The following LIN28B variants were observed in gnomAD, a reference collection of about 807,000 sequenced individuals.
The protein encoded by LIN28B is lin-28 RNA binding posttranscriptional regulator B, also known as protein lin-28 homolog B.
A neutral mutation model predicts 21.9 loss-of-function variants in LIN28B; 5 were observed. The ratio of observed to expected loss-of-function variants is 0.23; its 90% CI spans 0.12 to 0.48. The LOEUF (loss-of-function observed/expected upper bound fraction) is 0.48. LIN28B is among the 20% of genes least tolerant of loss of function. The pLI is 0.98. For synonymous variants in LIN28B, 109 were observed against 111.3 expected, an observed-to-expected ratio of 0.98 and a Z score of 0.13; for missense variants, 245 against 310.5, an observed-to-expected ratio of 0.79 and a Z score of 1.58.
chr6:105,053,908 T>G (rs933366738), intron 3 of LIN28B, among the ~76,000 whole-genome samples: 1 of 152,126 alleles, frequency 6.6e-6, no homozygotes, highest in Non-Finnish European at 1.5e-5. Context: ...CACGCCCAGC[T>G]AATTTCTGTA....
rs79612759 is a variant in LIN28B, at chr6:105,017,777, A to C, written c.199-8521A>C. 3.1e-3 allele frequency among the ~76,000 whole-genome samples: 469 copies of C among 152,232 alleles called. 6 individuals are homozygous for C. Among genetic ancestry groups the C allele is most frequent in the African/African-American group, 0.011 (448 of 41,550 alleles). On this transcript the variant is annotated intron_variant, in intron 2 of 3. Coordinates refer to ENST00000345080, the MANE Select transcript of LIN28B (RefSeq NM_001004317.4). The stretch of plus-strand genomic sequence containing the variant: ...GGAGAGGGGCAAGGGTTGAAAAACT[A>C]ACTATTGGGTAATATGCTCATTACC...
chr6:105,014,631 T>A (rs1037946827), intron 2 of LIN28B, among the ~76,000 whole-genome samples: 1 of 152,182 alleles, frequency 6.6e-6, no homozygotes, highest in Non-Finnish European at 1.5e-5. Context: ...CTTAAATTTC[T>A]TTTTATAGCG....
intron 2 of LIN28B, among the ~76,000 whole-genome samples, chr6:105,002,280 T>C (rs1351093516): frequency 6.6e-6 from 1 of 151,414 alleles, no homozygotes; most frequent in Admixed American, 6.6e-5. Context: ...CTCTGATACA[T>C]AGATTGGAAG....
chr6:104,958,240 G>A lies in LIN28B; in HGVS notation c.152G>A (p.Arg51Gln). 1.9e-6 allele frequency: 3 copies of A among 1,592,706 alleles called. No individual in the cohort carries two copies. The highest frequency in any genetic ancestry group is 2.6e-6 in the Non-Finnish European group (3 of 1,164,040). The change falls in exon 2 of 4, where the codon CGA (arginine) becomes CAA (glutamine). Residue 51 changes from arginine to glutamine, a missense_variant. Coordinates refer to ENST00000345080, the MANE Select transcript of LIN28B (RefSeq NM_001004317.4). ...TTTGGATTCATCTCCATGATAAACC[G>A]AGAGGGAAGCCCCTTGGATATTCCA... ...MGFGFISMIN[R>Q]EGSPLDIPVD...
At chr6:105,021,006 C>T (rs1389098506) in intron 2 of LIN28B, among the ~76,000 whole-genome samples, 4 of 152,040 alleles carry the variant, frequency 2.6e-5, no homozygotes, top group Non-Finnish European at 4.4e-5. Flanking sequence ...CCACCCACCT[C>T]GGCCTCCCAA....
intron 2 of LIN28B, among the ~76,000 whole-genome samples, chr6:104,959,584 G>A (rs1769684488): frequency 6.6e-6 from 1 of 152,158 alleles, no homozygotes; most frequent in Admixed American, 6.5e-5. Context: ...ATCATTATTG[G>A]CTGTTTATAT....
At chr6:105,032,019 G>A (rs889781913) in intron 3 of LIN28B, among the ~76,000 whole-genome samples, 2 of 152,072 alleles carry the variant, frequency 1.3e-5, no homozygotes, top group African/African-American at 4.8e-5. Context: ...CATGTAAGTG[G>A]AATCATACAG....
intron 3 of LIN28B, among the ~76,000 whole-genome samples, chr6:105,046,795 T>G (rs1490611554): frequency 1.3e-5 from 2 of 152,212 alleles, no homozygotes; most frequent in Non-Finnish European, 2.9e-5. Flanking sequence ...TCATGTGTCT[T>G]TTGGCTGCAT....
intron 2 of LIN28B, among the ~76,000 whole-genome samples, chr6:104,969,442 A>AAAC (rs767216104): frequency 5.3e-5 from 8 of 152,048 alleles, no homozygotes; most frequent in African/African-American, 7.2e-5. Context: ...AAACAAAACA[A>AAAC]AACAACAACA....
intron 3 of LIN28B, among the ~76,000 whole-genome samples, chr6:105,056,270 T>C (rs1772022579): frequency 6.6e-6 from 1 of 152,122 alleles, no homozygotes; most frequent in Admixed American, 6.5e-5. Context: ...AATTTTTTTA[T>C]TGTATGTAGA....
At chr6:105,041,449 C>G (rs948409801) in intron 3 of LIN28B, among the ~76,000 whole-genome samples, 2 of 151,938 alleles carry the variant, frequency 1.3e-5, no homozygotes, top group African/African-American at 4.8e-5. Flanking sequence ...TTTATAGGTA[C>G]TATGGATTTC....
rs185183165 is a variant in LIN28B at position 105,045,552 on chromosome 6, C to G, written c.383+19070C>G. ...CCACCCGCCTCAGTCTCCCAAACTGCTGGGATAATAGGTGTAAGCCACCAT... is the reference window on the plus strand; with the variant it reads ...CCACCCGCCTCAGTCTCCCAAACTGGTGGGATAATAGGTGTAAGCCACCAT... On this transcript the variant is annotated intron_variant, in intron 3 of 3. Transcript: ENST00000345080. 2.6e-5 allele frequency: 4 copies of G among 152,224 alleles called. No individual in the cohort carries two copies. The East Asian group carries it at 7.7e-4, about 29-fold the overall frequency. The allele number at this position is 152,224 out of a possible 1,614,324, so 9.4% of individuals were successfully genotyped here. A position where few individuals can be genotyped will look rare whatever the true frequency, so the allele number is the denominator to read the frequency against.
intron 2 of LIN28B, among the ~76,000 whole-genome samples, chr6:104,993,788 T>C (rs75621176): frequency 1.3e-5 from 2 of 150,428 alleles, no homozygotes; most frequent in Non-Finnish European, 1.5e-5. Flanking sequence ...TGAGCCGAGA[T>C]TGAGTCACTG....
intron 2 of LIN28B, among the ~76,000 whole-genome samples, chr6:104,942,581 T>A (rs972060907): frequency 3.3e-5 from 5 of 152,250 alleles, no homozygotes; most frequent in Admixed American, 6.5e-5. Context: ...TATGATAAAT[T>A]AACAGAAGAG....
Position 105,048,764 on chromosome 6 carries a change from A to C in LIN28B, c.383+22282A>C, listed in dbSNP as rs183727641. ...TCTTGGGAAGGTGTATGTGTCAAGG[A>C]ATTTATCCATTTCTTCTAGATTTTC... On this transcript the variant is annotated intron_variant, in intron 3 of 3. Transcript: ENST00000345080. 4.6e-5 allele frequency among the ~76,000 whole-genome samples: 7 copies of C among 152,234 alleles called. No homozygotes were observed. The East Asian group carries it at 1.3e-3, about 29-fold the overall frequency.
At chr6:104,979,729 T>G (rs1488589149) in intron 2 of LIN28B, among the ~76,000 whole-genome samples, 3 of 152,142 alleles carry the variant, frequency 2.0e-5, no homozygotes, top group Non-Finnish European at 2.9e-5. Flanking sequence ...GAAAACCAGA[T>G]ATATAAATTT....
At chr6:104,938,792 G>A (rs1195024687) in intron 2 of LIN28B, among the ~76,000 whole-genome samples, 6 of 151,536 alleles carry the variant, frequency 4.0e-5, no homozygotes, top group East Asian at 1.9e-4. Flanking sequence ...CGCCCCTTTC[G>A]GGTACCTTAT....
upstream of LIN28B, chr6:104,957,071 A>G: frequency 6.7e-7 from 1 of 1,483,474 alleles, no homozygotes; most frequent in Non-Finnish European, 8.9e-7. Context: ...ACGTGTGCTC[A>G]GGGGGCCAGA....
At chr6:105,072,424 C>T (rs553427386) in intron 3 of LIN28B, among the ~76,000 whole-genome samples, 45 of 152,112 alleles carry the variant, frequency 3.0e-4, no homozygotes, top group Admixed American at 2.1e-3. Flanking sequence ...CATTTTAATT[C>T]TCTTAAAAGT....
Sources: allele counts gnomAD v4.1 joint callset (sites outside exome capture counted in the v4.1 genomes callset), GRCh38; gene constraint gnomAD v4.1.1; transcripts MANE v1.5; gene names NCBI Gene and HGNC (gene_info 2026-07-23, HGNC 2026-07-21).